SPTLC2: variants seen among roughly 807,000 people sequenced by gnomAD.
SPTLC2 encodes serine palmitoyltransferase 2.
SPTLC2 carries 21 observed loss-of-function variants against 62.0 expected under a neutral mutation model. The ratio of observed to expected loss-of-function variants is 0.34; its 90% CI spans 0.24 to 0.49. The LOEUF is 0.49. Ranked by LOEUF, SPTLC2 falls within the 20% of genes least tolerant of loss-of-function variation. The pLI is 0.99. For missense variants in SPTLC2, 511 were observed against 713.0 expected (o/e 0.72, Z 3.23); for synonymous variants, 261 against 261.8 (o/e 1.00, Z 0.03).
Position 77,523,436 on chromosome 14 carries a change from C to T in SPTLC2, c.1304-1855G>A, listed in dbSNP as rs546199275. ...TCAGTTGAGATCAGAGCTGGGGAGGCTGCGGGGGCTAGAATTTGTTGGGCA... is the reference window on the plus strand; with the variant it reads ...TCAGTTGAGATCAGAGCTGGGGAGGTTGCGGGGGCTAGAATTTGTTGGGCA... On this transcript the variant is annotated intron_variant, in intron 9 of 11. Coordinates refer to ENST00000216484, the MANE Select transcript of SPTLC2 (RefSeq NM_004863.4). Among the ~76,000 whole-genome samples the T allele has an allele frequency of 3.3e-5, 5 of 152,220 alleles. No homozygotes were observed. In the East Asian group the frequency reaches 9.7e-4, roughly 29 times the overall value.
At chr14:77,527,701 A>T (rs1163702359) in intron 9 of SPTLC2, among the ~76,000 whole-genome samples, 1 of 151,512 alleles carries the variant, frequency 6.6e-6, no homozygotes, top group Non-Finnish European at 1.5e-5. Flanking sequence ...CTTAGAACAG[A>T]CAGTGTTCTA....
intron 2 of SPTLC2, among the ~76,000 whole-genome samples, chr14:77,596,123 G>A (rs566058176): frequency 1.1e-4 from 17 of 152,192 alleles, no homozygotes; most frequent in African/African-American, 3.6e-4. Flanking sequence ...GGATCACAAG[G>A]TCAGGAGATT....
At chr14:77,540,248 A>G (rs2079493952) in intron 9 of SPTLC2, among the ~76,000 whole-genome samples, 1 of 151,068 alleles carries the variant, frequency 6.6e-6, no homozygotes, top group Non-Finnish European at 1.5e-5. Flanking sequence ...GGTCCTCTGG[A>G]TATGTTTTGA....
Position 77,607,646 on chromosome 14 carries a change from T to C in SPTLC2, c.132+8802A>G, listed in dbSNP as rs917342316. Among the ~76,000 whole-genome samples, 3 of 152,248 alleles carry C rather than the reference T, an allele frequency of 2.0e-5. No individual in the cohort carries two copies. In the East Asian group the frequency reaches 5.8e-4, roughly 29 times the overall value. ...ATATTAGAATTTTACTGCAAATTCA[T>C]CTTCCATACTTATTTTTGCTATTTA... On this transcript the variant is annotated intron_variant, in intron 1 of 11. Transcript: ENST00000216484.
At chr14:77,553,849 C>G (rs2079568600) in intron 8 of SPTLC2, among the ~76,000 whole-genome samples, 1 of 151,512 alleles carries the variant, frequency 6.6e-6, no homozygotes, top group Non-Finnish European at 1.5e-5. Context: ...GGGTCTTGCT[C>G]TGTTGCCCAG....
At chr14:77,521,235 G>A (rs2079383335) in intron 10 of SPTLC2, among the ~76,000 whole-genome samples, 1 of 152,276 alleles carries the variant, frequency 6.6e-6, no homozygotes, top group East Asian at 1.9e-4. Context: ...GGCCCCTAGA[G>A]AGTACATGAA....
intron 1 of SPTLC2, among the ~76,000 whole-genome samples, chr14:77,612,925 T>C (rs570818921): frequency 2.0e-5 from 3 of 152,290 alleles, no homozygotes; most frequent in African/African-American, 7.2e-5. Flanking sequence ...GGGTCAAAAC[T>C]GTCTCAAAGG....
At chr14:77,547,874 C>CTTTTT (rs61406879) in intron 9 of SPTLC2, 1 of 86,840 alleles carries the variant, frequency 1.2e-5, no homozygotes, top group Non-Finnish European at 2.2e-5. Flanking sequence ...CCTGGAATGT[C>CTTTTT]TTTTTTTTTT....
intron 2 of SPTLC2, among the ~76,000 whole-genome samples, chr14:77,580,119 T>G (rs1408010342): frequency 6.6e-6 from 1 of 152,152 alleles, no homozygotes; most frequent in Admixed American, 6.6e-5. Flanking sequence ...CTTTGCATAT[T>G]TTCAAGGATC....
Position 77,562,451 on chromosome 14 carries a change from T to A in SPTLC2, c.795A>T (p.Ser265=). 2 of 1,614,132 alleles carry A rather than the reference T, an allele frequency of 1.2e-6. No individual in the cohort carries two copies. Among genetic ancestry groups the A allele is most frequent in the Non-Finnish European group, 1.7e-6 (2 of 1,180,000 alleles). ...CTGACAGTCTGGCTCCCAGAACCAG[T>A]GATGCATGATTCAGTTCATCACTCA... The part of the protein sequence containing the change: ...LILSDELNHA[S]LVLGARLSGA... The change falls in exon 6 of 12, where the codon TCA becomes TCT. Residue 265 remains serine (S), a synonymous_variant. Transcript: ENST00000216484.
At chr14:77,579,130 A>G (rs745582148) in intron 2 of SPTLC2, 21 bp from the exon 3 acceptor site, 9 of 1,613,480 alleles carry the variant, frequency 5.6e-6, no homozygotes, top group Admixed American at 5.0e-5. Flanking sequence ...ATGGTGACAT[A>G]CCATAAATTT....
At chr14:77,608,582 G>C (rs571807944) in intron 1 of SPTLC2, among the ~76,000 whole-genome samples, 24 of 152,212 alleles carry the variant, frequency 1.6e-4, no homozygotes, top group African/African-American at 5.8e-4. Flanking sequence ...TGTGAGAGAG[G>C]CAGACAACAG....
In SPTLC2 at chr14:77,508,757, A is replaced by AT. The variant is rs1566764015; in HGVS notation, c.*3526dup. 6.6e-6 allele frequency: 1 copy of AT among 152,110 alleles called. No homozygotes were observed. The highest frequency in any genetic ancestry group is 2.4e-5 in the African/African-American group (1 of 41,406). 9.4% of individuals were successfully genotyped at this position (152,110 alleles called of 1,614,324 possible). A position where few individuals can be genotyped will look rare whatever the true frequency, so the allele number is the denominator to read the frequency against. Reference sequence around the variant, plus strand: ...AGGTAATGAAGAAATTTGAAAAAAAATTTTTTTTAAAAGCCAAAGGAGCTA... The same window carrying AT: ...AGGTAATGAAGAAATTTGAAAAAAAATTTTTTTTTAAAAGCCAAAGGAGCTA... On this transcript the variant is annotated 3_prime_UTR_variant, in exon 12 of 12. Coordinates refer to ENST00000216484, the MANE Select transcript of SPTLC2 (RefSeq NM_004863.4).
At chr14:77,560,741 A>T (rs1187093370) in intron 6 of SPTLC2, among the ~76,000 whole-genome samples, 1 of 152,176 alleles carries the variant, frequency 6.6e-6, no homozygotes, top group Non-Finnish European at 1.5e-5. Flanking sequence ...CATTACCCTA[A>T]GCAAACTAAT....
chr14:77,513,043 T>TTTTTTTG (rs66611905), intron 11 of SPTLC2, among the ~76,000 whole-genome samples: 3 of 139,168 alleles, frequency 2.2e-5, no homozygotes, highest in Admixed American at 7.2e-5. Flanking sequence ...TTTTTTTTTT[T>TTTTTTTG]GAGACAGAGT....
chr14:77,584,952 A>G (rs1220440898), intron 2 of SPTLC2, among the ~76,000 whole-genome samples: 1 of 152,232 alleles, frequency 6.6e-6, no homozygotes, highest in Non-Finnish European at 1.5e-5. Flanking sequence ...GTAGGAGGCA[A>G]GCCCCTGCAG....
chr14:77,521,181 C>T (rs1594968543), intron 10 of SPTLC2, among the ~76,000 whole-genome samples: 1 of 152,216 alleles, frequency 6.6e-6, no homozygotes, highest in East Asian at 1.9e-4. Context: ...CTGTAAGCTC[C>T]ACAAGGACAG....
At chr14:77,576,965 T>G in intron 3 of SPTLC2, 50 bp from the exon 4 acceptor site, 4 of 1,591,442 alleles carry the variant, frequency 2.5e-6, no homozygotes, top group Non-Finnish European at 3.4e-6. Context: ...AAAAAGTACT[T>G]ACATGTAATA....
At chr14:77,596,966 C>A (rs1009492914) in intron 2 of SPTLC2, among the ~76,000 whole-genome samples, 3 of 152,188 alleles carry the variant, frequency 2.0e-5, no homozygotes, top group African/African-American at 7.2e-5. Context: ...GTGCCGCCCA[C>A]CTCCTTAGGT....
Sources: gnomAD v4.1 joint callset for allele counts (sites outside exome capture counted in the v4.1 genomes callset) on GRCh38, gnomAD v4.1.1 for gene constraint, MANE v1.5 for transcripts, NCBI Gene and HGNC (gene_info 2026-07-23, HGNC 2026-07-21) for gene names.